Variants in CUX2 observed in about 807,000 individuals in gnomAD.
The protein encoded by CUX2 is homeobox protein cut-like 2.
Under a neutral mutation model 144.8 loss-of-function variants are expected in CUX2, and 40 were observed. That is an observed-to-expected ratio of 0.28 (90% CI 0.21 to 0.36). The LOEUF (loss-of-function observed/expected upper bound fraction) is 0.36, where lower values mean the gene tolerates loss of function less well. Among genes scored for constraint, CUX2 ranks in the 10% least tolerant of loss-of-function variants. The pLI is 1.00. For missense variants in CUX2, 1,615 were observed against 1,994.0 expected (o/e 0.81, Z 3.62); for synonymous variants, 827 against 875.6 (o/e 0.94, Z 0.98).
intron 1 of CUX2, among the ~76,000 whole-genome samples, chr12:111,201,619 C>A (rs995978634): frequency 2.0e-5 from 3 of 152,178 alleles, no homozygotes; most frequent in Admixed American, 6.5e-5. Context: ...GCTCTCGGAA[C>A]CCTACCCAGC....
At chr12:111,065,489 C>G (rs1370760495) in intron 1 of CUX2, among the ~76,000 whole-genome samples, 1 of 152,192 alleles carries the variant, frequency 6.6e-6, no homozygotes, top group Non-Finnish European at 1.5e-5. Flanking sequence ...GTGCACATCA[C>G]CATGCCTGGC....
intron 1 of CUX2, among the ~76,000 whole-genome samples, chr12:111,135,579 C>T (rs933579850): frequency 6.6e-6 from 1 of 152,176 alleles, no homozygotes; most frequent in Non-Finnish European, 1.5e-5. Context: ...TAGAACCAAC[C>T]CGCATGTGCA....
chr12:111,093,641 G>A (rs573741423), intron 1 of CUX2, among the ~76,000 whole-genome samples: 3 of 152,140 alleles, frequency 2.0e-5, no homozygotes, highest in Admixed American at 6.5e-5. Context: ...GAAATTTGAC[G>A]GGGGGGCGAT....
chr12:111,185,063 CA>C (rs528556018), intron 1 of CUX2, among the ~76,000 whole-genome samples: 1 of 149,712 alleles, frequency 6.7e-6, no homozygotes, highest in South Asian at 2.1e-4. Flanking sequence ...GACTCTGTCT[CA>C]AAAAAAAAGG....
intron 1 of CUX2, among the ~76,000 whole-genome samples, chr12:111,087,370 A>C: frequency 8.1e-6 from 1 of 123,278 alleles, no homozygotes; most frequent in African/African-American, 4.3e-5. Context: ...CCATCTCAAA[A>C]AAAAAAAAAA....
chr12:111,265,491 A>G (rs925824321), intron 4 of CUX2, among the ~76,000 whole-genome samples: 3 of 151,506 alleles, frequency 2.0e-5, no homozygotes, highest in African/African-American at 7.3e-5. Flanking sequence ...ACAGGCATGC[A>G]CCACCATTCC....
chr12:111,085,639 C>T (rs1016383257), intron 1 of CUX2, among the ~76,000 whole-genome samples: 2 of 152,228 alleles, frequency 1.3e-5, no homozygotes, highest in Admixed American at 6.5e-5. Context: ...CTGGCTGATT[C>T]CTTTGGTTCC....
intron 9 of CUX2, among the ~76,000 whole-genome samples, chr12:111,302,090 A>G (rs766696058): frequency 6.6e-6 from 1 of 152,246 alleles, no homozygotes; most frequent in Non-Finnish European, 1.5e-5. Flanking sequence ...TTTCTGGAAC[A>G]AGGCAAGATA....
chr12:111,104,979 T>C (rs1873502271), intron 1 of CUX2, among the ~76,000 whole-genome samples: 1 of 152,148 alleles, frequency 6.6e-6, no homozygotes, highest in Non-Finnish European at 1.5e-5. Flanking sequence ...TCTTGGTGGT[T>C]CTACCCGAAA....
chr12:111,252,073 C>T (rs1883590441), intron 3 of CUX2, among the ~76,000 whole-genome samples: 2 of 152,134 alleles, frequency 1.3e-5, no homozygotes, highest in Admixed American at 1.3e-4. Flanking sequence ...GTAGTCCCAA[C>T]TACTTGTGAG....
At chr12:111,044,143 C>G (rs1205455409) in intron 1 of CUX2, among the ~76,000 whole-genome samples, 1 of 152,192 alleles carries the variant, frequency 6.6e-6, no homozygotes, top group Non-Finnish European at 1.5e-5. Context: ...TTGACCCTTA[C>G]AAATCTCTTT....
intron 1 of CUX2, among the ~76,000 whole-genome samples, chr12:111,183,686 G>A (rs996961657): frequency 1.3e-5 from 2 of 152,170 alleles, no homozygotes; most frequent in Admixed American, 1.3e-4. Flanking sequence ...TAGGGCTGAT[G>A]ACAGTGCATC....
chr12:111,322,641 T>G lies in CUX2; in HGVS notation c.2926+61T>G, dbSNP rs1237837695. 10 of 1,568,466 alleles carry G rather than the reference T, an allele frequency of 6.4e-6. No individual in the cohort carries two copies. In the African/African-American group the frequency reaches 1.3e-4, roughly 21 times the overall value. The stretch of plus-strand genomic sequence containing the variant: ...CAAACTTCCCACCTGCGCAGTGGCA[T>G]GTCCGCCTGGCTTTACTGCCCGAGT... On this transcript the variant is annotated intron_variant, in intron 18 of 21. Coordinates refer to ENST00000261726, the MANE Select transcript of CUX2 (RefSeq NM_015267.4). This position sits in a 1 kb window ranked among gnomAD's most constrained non-coding sequence, Gnocchi z 4.2.
intron 1 of CUX2, among the ~76,000 whole-genome samples, chr12:111,135,372 C>A (rs959259965): frequency 6.6e-6 from 1 of 152,180 alleles, no homozygotes; most frequent in African/African-American, 2.4e-5. Context: ...CTGAGTGAAC[C>A]ACCAATGCAA....
intron 1 of CUX2, among the ~76,000 whole-genome samples, chr12:111,144,199 G>A (rs1168764965): frequency 6.6e-6 from 1 of 152,168 alleles, no homozygotes; most frequent in Non-Finnish European, 1.5e-5. Flanking sequence ...CCAGAACTGT[G>A]TTTGGGACAC....
At chr12:111,091,081 A>G (rs1168186441) in intron 1 of CUX2, among the ~76,000 whole-genome samples, 1 of 152,304 alleles carries the variant, frequency 6.6e-6, no homozygotes, top group East Asian at 1.9e-4. Context: ...ACCTTGAGCC[A>G]GGAATTCAGT....
chr12:111,242,239 G>A (rs906798592), intron 3 of CUX2, among the ~76,000 whole-genome samples: 1 of 152,214 alleles, frequency 6.6e-6, no homozygotes, highest in Non-Finnish European at 1.5e-5. Flanking sequence ...ATCTTACAGG[G>A]GAGGAAACCT....
chr12:111,233,900 G>C (rs78237510), intron 3 of CUX2, among the ~76,000 whole-genome samples: 3,345 of 152,272 alleles, frequency 0.022, 135 homozygotes, highest in African/African-American at 0.076. Flanking sequence ...AAGTTGTGGT[G>C]GGGGAGGCTC....
intron 4 of CUX2, among the ~76,000 whole-genome samples, chr12:111,280,436 C>G (rs1267275969): frequency 6.6e-6 from 1 of 152,166 alleles, no homozygotes; most frequent in African/African-American, 2.4e-5. Flanking sequence ...TCCCCTAGAG[C>G]CTTGGAGAGA....
Sources: allele counts gnomAD v4.1 joint callset (sites outside exome capture counted in the v4.1 genomes callset), GRCh38; gene constraint gnomAD v4.1.1; non-coding constraint Gnocchi (gnomAD v3.1); transcripts MANE v1.5; gene names NCBI Gene and HGNC (gene_info 2026-07-23, HGNC 2026-07-21).